Variants in FARP2 observed in about 807,000 individuals in gnomAD.
The protein encoded by FARP2 is FERM, ARHGEF and pleckstrin domain-containing protein 2.
Under a neutral mutation model 130.5 loss-of-function variants are expected in FARP2, and 111 were observed. The ratio of observed to expected loss-of-function variants is 0.85; its 90% confidence interval spans 0.73 to 1.00. The LOEUF (loss-of-function observed/expected upper bound fraction) is 1.00. Among genes scored for constraint, FARP2 ranks in the 50% least tolerant of loss-of-function variants. The pLI, the probability that FARP2 is intolerant of heterozygous loss-of-function variation, is 0.00. For missense variants in FARP2, 1,385 were observed against 1,346.3 expected, an observed-to-expected ratio of 1.03 and a Z score of -0.45; for synonymous variants, 504 against 516.9, an observed-to-expected ratio of 0.98 and a Z score of 0.34.
At chr2:241,449,930 C>A (rs2063605975) in intron 13 of FARP2, among the ~76,000 whole-genome samples, 1 of 151,682 alleles carries the variant, frequency 6.6e-6, no homozygotes, top group Non-Finnish European at 1.5e-5. Flanking sequence ...TCACTTGAAC[C>A]CGGGAGGCAG....
At chr2:241,385,290 G>A (rs1275892973) in intron 2 of FARP2, among the ~76,000 whole-genome samples, 1 of 152,052 alleles carries the variant, frequency 6.6e-6, no homozygotes, top group Admixed American at 6.5e-5. Flanking sequence ...AATTGATGCT[G>A]CTTTTTAAAT....
intron 13 of FARP2, among the ~76,000 whole-genome samples, chr2:241,452,495 A>C (rs373579268): frequency 6.6e-6 from 1 of 152,216 alleles, no homozygotes; most frequent in African/African-American, 2.4e-5. Flanking sequence ...AAGGTTTGCT[A>C]TAGCTAACAT....
intron 1 of FARP2, among the ~76,000 whole-genome samples, chr2:241,365,599 C>CT (rs1254509383): frequency 1.3e-5 from 2 of 152,060 alleles, no homozygotes; most frequent in South Asian, 2.1e-4. Flanking sequence ...ACACCGTTTC[C>CT]TTTTTTTGTT....
At chr2:241,374,162 C>T (rs2061485114) in intron 2 of FARP2, among the ~76,000 whole-genome samples, 1 of 151,968 alleles carries the variant, frequency 6.6e-6, no homozygotes, top group African/African-American at 2.4e-5. Flanking sequence ...CAAGCATGCA[C>T]CACCACGCCT....
At chr2:241,415,413 A>G (rs16842447) in intron 7 of FARP2, among the ~76,000 whole-genome samples, 5,061 of 152,256 alleles carry the variant, frequency 0.033, 509 homozygotes, top group Admixed American at 0.19. Context: ...GGTTGGGGAT[A>G]GTCTCTCCCT....
In FARP2 at chr2:241,489,834, T is replaced by A. The variant is rs2064849512; in HGVS notation, c.2422-128T>A. 20 of 640,546 alleles carry A rather than the reference T, an allele frequency of 3.1e-5. No individual in the cohort carries two copies. In the South Asian group the frequency reaches 3.4e-4, roughly 11 times the overall value. The allele number at this position is 640,546 out of a possible 1,614,324, so 39.7% of individuals were successfully genotyped here. A position where few individuals can be genotyped will look rare whatever the true frequency, so the allele number is the denominator to read the frequency against. ...TCCTTGGCCTCTTGTAGAGTCTGTG[T>A]GCACTTGGACAGCACTGGGCTTCCA... On this transcript the variant is annotated intron_variant, in intron 21 of 26. Coordinates refer to ENST00000264042, the MANE Select transcript of FARP2 (RefSeq NM_014808.4).
At position 241,491,172 on chromosome 2, in the gene FARP2, TC is replaced by T. The variant is rs1386440518; in HGVS notation, c.2622del (p.Arg875AspfsTer63). ...TGCCAGGCCGCACTGTGTGCACTCG[TC>T]CCCCCAGTGAGTGCTGGCCACAACC... ...ALPGRTVCTRPPRSPNEVSLE... is the reference protein window; with the variant it reads ...ALPGRTVCTRXPRSPNEVSLE... On this transcript the variant is annotated frameshift_variant, in exon 23 of 27. Transcript: ENST00000264042. LOFTEE classifies it high-confidence loss of function. 3.7e-6 allele frequency: 6 copies of T among 1,607,934 alleles called. No homozygotes were observed. The highest frequency in any genetic ancestry group is 5.1e-6 in the Non-Finnish European group (6 of 1,175,430).
chr2:241,436,595 A>G, intron 12 of FARP2, 57 bp downstream of exon 12: 3 of 1,344,660 alleles, frequency 2.2e-6, no homozygotes, highest in Non-Finnish European at 3.2e-6. Context: ...CTCTTTTGGA[A>G]AATAGTCTGT....
intron 2 of FARP2, among the ~76,000 whole-genome samples, chr2:241,377,038 A>G (rs1452823413): frequency 6.6e-6 from 1 of 152,200 alleles, no homozygotes; most frequent in East Asian, 1.9e-4. Context: ...CCTCTATAGC[A>G]GTGTTTTCTA....
chr2:241,428,053 A>T (rs1170372312), intron 8 of FARP2, among the ~76,000 whole-genome samples: 2 of 151,818 alleles, frequency 1.3e-5, no homozygotes, highest in Non-Finnish European at 2.9e-5. Context: ...GGCATGAGCC[A>T]CCACGCCCAG....
At chr2:241,404,760 A>G (rs750342444) in intron 3 of FARP2, 39 bp from the exon 4 acceptor site, 35 of 1,484,560 alleles carry the variant, frequency 2.4e-5, no homozygotes, top group Non-Finnish European at 1.9e-6. Flanking sequence ...TAGAGACATT[A>G]TTTAATAGAT....
intron 1 of FARP2, among the ~76,000 whole-genome samples, chr2:241,368,400 G>C (rs2061359098): frequency 6.6e-6 from 1 of 152,160 alleles, no homozygotes; most frequent in Non-Finnish European, 1.5e-5. Context: ...TGGGACCACA[G>C]AACATGGTGC....
rs2063961653 is a variant in FARP2 at position 241,459,721 on chromosome 2, G to T, written c.1587+2799G>T. Among the ~76,000 whole-genome samples the T allele has an allele frequency of 6.6e-6, 1 of 151,536 alleles. No individual in the cohort carries two copies. The highest frequency in any genetic ancestry group is 1.5e-5 in the Non-Finnish European group (1 of 67,956). On this transcript the variant is annotated intron_variant, in intron 14 of 26. Coordinates refer to ENST00000264042, the MANE Select transcript of FARP2 (RefSeq NM_014808.4). The surrounding 1 kb of genome is among the most constrained non-coding windows in gnomAD (Gnocchi z 5.3). ...TGGCCTGCAGCCCAGCTTGCTGGGGGTCAGGTTTGACATTGATCTAGAGGT... is the reference window on the plus strand; with the variant it reads ...TGGCCTGCAGCCCAGCTTGCTGGGGTTCAGGTTTGACATTGATCTAGAGGT...
rs1047800703 is a variant in FARP2 at position 241,459,888 on chromosome 2, T to G, written c.1588-2635T>G. Among the ~76,000 whole-genome samples the G allele has an allele frequency of 6.6e-6, 1 of 152,152 alleles. No individual in the cohort carries two copies. Among genetic ancestry groups the G allele is most frequent in the African/African-American group, 2.4e-5 (1 of 41,432 alleles). ...GGCCAGTCTGCTCCCCTGACTCCCC[T>G]GTGACCCACTGGTGGCACCTGTGAT... On this transcript the variant is annotated intron_variant, in intron 14 of 26. Coordinates refer to ENST00000264042, the MANE Select transcript of FARP2 (RefSeq NM_014808.4). This position sits in a 1 kb window ranked among gnomAD's most constrained non-coding sequence, Gnocchi z 5.3.
intron 17 of FARP2, chr2:241,466,300 T>C (rs2064167678): frequency 1.0e-6 from 1 of 985,292 alleles, no homozygotes; most frequent in Non-Finnish European, 1.2e-6. Flanking sequence ...GTGCTTGTCT[T>C]GGAAAGAGGG....
Position 241,437,678 on chromosome 2 carries a change from T to TTATTTA in FARP2, c.1158+1141_1158+1142insATTTAT, listed in dbSNP as rs1559769452. Reference sequence around the variant, plus strand: ...TATTTATTTATTTATTTATTTTTTTTTTTTGAGACGGAGTCTTGCTCTGTC... The same window carrying TTATTTA: ...TATTTATTTATTTATTTATTTTTTTTTATTTATTTTGAGACGGAGTCTTGCTCTGTC... On this transcript the variant is annotated intron_variant, in intron 12 of 26. Transcript: ENST00000264042. Among the ~76,000 whole-genome samples the TTATTTA allele has an allele frequency of 4.0e-4, 48 of 120,810 alleles. 1 individual carries two copies. In the South Asian group the frequency reaches 4.4e-3, roughly 11 times the overall value. 79.3% of individuals were successfully genotyped at this position (120,810 alleles called of 152,430 possible).
Position 241,394,859 on chromosome 2 carries a change from C to T in FARP2, c.184-8969C>T, listed in dbSNP as rs59233333. Among the ~76,000 whole-genome samples the T allele has an allele frequency of 1.2e-3, 180 of 152,308 alleles. 1 individual carries two copies. The highest frequency in any genetic ancestry group is 3.9e-3 in the African/African-American group (163 of 41,568). On this transcript the variant is annotated intron_variant, in intron 2 of 26. Transcript: ENST00000264042. ...TAGACCTTATTAAGAAGCTGTTTTG[C>T]ACGCTTGAGGACCTGTCCCGAATGA...
At chr2:241,425,479 A>C (rs1035067668) in intron 8 of FARP2, among the ~76,000 whole-genome samples, 1 of 152,002 alleles carries the variant, frequency 6.6e-6, no homozygotes, top group Non-Finnish European at 1.5e-5. Flanking sequence ...TCCCAGGAAG[A>C]AGAGAGAAAG....
chr2:241,490,196 C>T (rs1469733849), intron 22 of FARP2, 152 bp downstream of exon 22: 15 of 634,320 alleles, frequency 2.4e-5, no homozygotes, highest in East Asian at 1.1e-4. Flanking sequence ...TTCCAAGTCA[C>T]ACAACCAAAG....
Sources: allele counts gnomAD v4.1 joint callset (sites outside exome capture counted in the v4.1 genomes callset), GRCh38; gene constraint gnomAD v4.1.1; non-coding constraint Gnocchi (gnomAD v3.1); transcripts MANE v1.5; gene names NCBI Gene and HGNC (gene_info 2026-07-23, HGNC 2026-07-21).